Variants in COL25A1 observed in about 807,000 individuals in gnomAD.
COL25A1 encodes the protein collagen type XXV alpha 1 chain.
In COL25A1, 103 loss-of-function variants were observed where a neutral mutation model predicts 128.4. That is an observed-to-expected ratio of 0.80 (90% CI 0.68 to 0.94). The LOEUF (loss-of-function observed/expected upper bound fraction) is 0.94. Among genes scored for constraint, COL25A1 ranks in the 40% least tolerant of loss-of-function variants. COL25A1 has a pLI of 0.00. For missense variants in COL25A1, 745 were observed against 840.0 expected (o/e 0.89, Z 1.40); for synonymous variants, 279 against 277.2 (o/e 1.01, Z -0.06).
At chr4:109,264,674 A>G (rs1781675218) in intron 3 of COL25A1, among the ~76,000 whole-genome samples, 1 of 152,222 alleles carries the variant, frequency 6.6e-6, no homozygotes, top group Non-Finnish European at 1.5e-5. Context: ...TGATAGATTC[A>G]GTCTGAGCCA....
chr4:108,873,005 A>ACTT (rs1435548001), intron 19 of COL25A1, among the ~76,000 whole-genome samples: 1 of 151,914 alleles, frequency 6.6e-6, no homozygotes, highest in Non-Finnish European at 1.5e-5. Flanking sequence ...GGATCGTCCC[A>ACTT]CCTCAGCTTC....
intron 34 of COL25A1, among the ~76,000 whole-genome samples, chr4:108,824,729 A>G (rs1433719249): frequency 6.6e-6 from 1 of 152,192 alleles, no homozygotes; most frequent in Non-Finnish European, 1.5e-5. Context: ...GATTGTGTCT[A>G]GAGGCATTTA....
At chr4:108,947,442 C>CAAA (rs371935048) in intron 8 of COL25A1, among the ~76,000 whole-genome samples, 11 of 120,456 alleles carry the variant, frequency 9.1e-5, no homozygotes, top group African/African-American at 3.3e-4. Context: ...AACTCCGTCT[C>CAAA]AAAAAAAAAA....
intron 3 of COL25A1, among the ~76,000 whole-genome samples, chr4:109,162,031 G>C (rs1373262131): frequency 1.3e-5 from 2 of 152,156 alleles, no homozygotes; most frequent in African/African-American, 4.8e-5. Context: ...ATGGGGCCAG[G>C]AAAGTAATGT....
At position 108,888,009 on chromosome 4, in the gene COL25A1, G is replaced by C. The variant is rs1310807385; in HGVS notation, c.975+1212C>G. On this transcript the variant is annotated intron_variant, in intron 18 of 37. Coordinates refer to ENST00000399132, the MANE Select transcript of COL25A1 (RefSeq NM_198721.4). Reference sequence around the variant, plus strand: ...TCACTAATTCCAAATTTCTTAAATAGAGAATTGATAGGAAATATTATAAAA... The same window carrying C: ...TCACTAATTCCAAATTTCTTAAATACAGAATTGATAGGAAATATTATAAAA... 2.0e-5 allele frequency among the ~76,000 whole-genome samples: 3 copies of C among 152,120 alleles called. No homozygotes were observed. In the East Asian group the frequency reaches 5.8e-4, roughly 29 times the overall value.
At chr4:108,996,201 G>A (rs1337235566) in intron 6 of COL25A1, among the ~76,000 whole-genome samples, 3 of 150,010 alleles carry the variant, frequency 2.0e-5, no homozygotes, top group South Asian at 2.1e-4. Flanking sequence ...AGGACCCATC[G>A]GTGTGCTGTA....
At chr4:108,941,985 T>C (rs1484012900) in intron 8 of COL25A1, among the ~76,000 whole-genome samples, 2 of 152,206 alleles carry the variant, frequency 1.3e-5, no homozygotes, top group Non-Finnish European at 2.9e-5. Context: ...CCCACCTCTG[T>C]TCACAGTACC....
chr4:109,224,468 G>T (rs1778646378), intron 3 of COL25A1, among the ~76,000 whole-genome samples: 1 of 151,938 alleles, frequency 6.6e-6, no homozygotes, highest in African/African-American at 2.4e-5. Context: ...CTGGGAGTTT[G>T]TCTATATTGT....
intron 2 of COL25A1, among the ~76,000 whole-genome samples, chr4:109,301,180 C>T (rs1168413324): frequency 6.6e-6 from 1 of 151,810 alleles, no homozygotes; most frequent in African/African-American, 2.4e-5. Flanking sequence ...AATACCCCGG[C>T]ACTGCATCCT....
chr4:109,115,752 A>C (rs1204095774), intron 3 of COL25A1, among the ~76,000 whole-genome samples: 1 of 152,044 alleles, frequency 6.6e-6, no homozygotes, highest in Non-Finnish European at 1.5e-5. Context: ...AGAAAGCAAT[A>C]GTTCCCAAAT....
At position 108,984,617 on chromosome 4, in the gene COL25A1, G is replaced by C. The variant is rs963843189; in HGVS notation, c.439-10058C>G. On this transcript the variant is annotated intron_variant, in intron 6 of 37. Transcript: ENST00000399132. ...AGGTGCTAAGCCCCTCACTGCCCGC[G>C]GCAGGTGGGGCCAGCCGGCCGCTCC... Among the ~76,000 whole-genome samples the C allele has an allele frequency of 1.8e-4, 28 of 152,206 alleles. 1 individual carries two copies. Among genetic ancestry groups the C allele is most frequent in the Non-Finnish European group, 2.8e-4 (19 of 68,028 alleles).
intron 3 of COL25A1, among the ~76,000 whole-genome samples, chr4:109,207,500 A>ACAAAAC (rs1777110271): frequency 6.6e-6 from 1 of 152,168 alleles, no homozygotes; most frequent in South Asian, 2.1e-4. Context: ...AACACTTAAG[A>ACAAAAC]TATAGCTCGG....
intron 29 of COL25A1, 115 bp downstream of exon 29, chr4:108,845,074 G>T (rs1429044041): frequency 2.3e-6 from 2 of 863,534 alleles, no homozygotes; most frequent in Non-Finnish European, 4.0e-6. Flanking sequence ...CAAACCAAGA[G>T]GTTTGAGGTC....
chr4:109,265,686 G>A (rs925986778), intron 3 of COL25A1, among the ~76,000 whole-genome samples: 4 of 152,002 alleles, frequency 2.6e-5, no homozygotes, highest in South Asian at 2.1e-4. Context: ...CCATTGTTGC[G>A]GTCCTGTGCT....
chr4:109,088,981 G>A (rs184470721), intron 3 of COL25A1, among the ~76,000 whole-genome samples: 8 of 152,128 alleles, frequency 5.3e-5, no homozygotes, highest in African/African-American at 1.9e-4. Flanking sequence ...AAAGATAAAT[G>A]GCATCTTTGC....
intron 20 of COL25A1, among the ~76,000 whole-genome samples, chr4:108,867,241 C>T (rs1015153498): frequency 2.6e-5 from 4 of 152,204 alleles, no homozygotes; most frequent in African/African-American, 4.8e-5. Context: ...ATCCAGTTCA[C>T]GCCTGGCTTT....
chr4:109,276,963 T>C (rs1469008577), intron 3 of COL25A1, among the ~76,000 whole-genome samples: 1 of 152,200 alleles, frequency 6.6e-6, no homozygotes. Context: ...CTTTGCAAGC[T>C]AAATGTTTCC....
intron 3 of COL25A1, among the ~76,000 whole-genome samples, chr4:109,071,774 C>T (rs911951371): frequency 3.3e-5 from 5 of 152,080 alleles, no homozygotes; most frequent in Admixed American, 2.0e-4. Context: ...GTTAGAATGG[C>T]GATCATTAAA....
intron 3 of COL25A1, among the ~76,000 whole-genome samples, chr4:109,103,396 C>G (rs1766103894): frequency 6.6e-6 from 1 of 152,068 alleles, no homozygotes. Flanking sequence ...TTTTGCCTCA[C>G]CCCTTATTCT....
Sources: allele counts gnomAD v4.1 joint callset (sites outside exome capture counted in the v4.1 genomes callset), GRCh38; gene constraint gnomAD v4.1.1; transcripts MANE v1.5; gene names NCBI Gene and HGNC (gene_info 2026-07-23, HGNC 2026-07-21).